The following SLC28A3 variants were observed in gnomAD, a reference collection of about 807,000 sequenced individuals.
SLC28A3 encodes concentrative Na(+)-nucleoside cotransporter 3.
In SLC28A3, 68 loss-of-function variants were observed where a neutral mutation model predicts 84.2. The ratio of observed to expected loss-of-function variants is 0.81; its 90% CI spans 0.66 to 0.99. SLC28A3 has a LOEUF of 0.99. Among genes scored for constraint, SLC28A3 ranks in the 50% least tolerant of loss-of-function variants. The probability of loss-of-function intolerance (pLI) is 0.00; values close to 1 mark genes in which losing one functional copy is unlikely to be tolerated. For synonymous variants in SLC28A3, 267 were observed against 303.6 expected, an observed-to-expected ratio of 0.88 and a Z score of 1.25; for missense variants, 712 against 841.5, an observed-to-expected ratio of 0.85 and a Z score of 1.90.
chr9:84,343,659 G>A (rs1269229268), upstream of SLC28A3, among the ~76,000 whole-genome samples: 4 of 152,282 alleles, frequency 2.6e-5, no homozygotes, highest in East Asian at 7.7e-4. Flanking sequence ...ACACATTAAA[G>A]TTATATGAAA....
intron 1 of SLC28A3, among the ~76,000 whole-genome samples, chr9:84,322,272 G>C (rs957089361): frequency 6.6e-6 from 1 of 152,224 alleles, no homozygotes; most frequent in Admixed American, 6.5e-5. Context: ...AGAGATAAAG[G>C]TAGTGTAAAG....
intron 1 of SLC28A3, among the ~76,000 whole-genome samples, chr9:84,327,392 C>A (rs1460445395): frequency 6.6e-6 from 1 of 150,590 alleles, no homozygotes; most frequent in Admixed American, 6.6e-5. Flanking sequence ...TTGCAGCAAT[C>A]CAGAGAATGC....
intron 1 of SLC28A3, among the ~76,000 whole-genome samples, chr9:84,318,681 C>A (rs1037996435): frequency 6.6e-6 from 1 of 151,682 alleles, no homozygotes; most frequent in Non-Finnish European, 1.5e-5. Flanking sequence ...TCAGCCTGAC[C>A]AATATGATGA....
At chr9:84,280,582 G>T (rs892671330) in intron 15 of SLC28A3, among the ~76,000 whole-genome samples, 2 of 152,180 alleles carry the variant, frequency 1.3e-5, no homozygotes, top group East Asian at 3.9e-4. Flanking sequence ...CCTGGGCTGG[G>T]AGAAGCATCT....
At chr9:84,290,325 G>A in intron 10 of SLC28A3, 46 bp from the exon 11 acceptor site, 2 of 1,602,764 alleles carry the variant, frequency 1.2e-6, no homozygotes, top group Non-Finnish European at 1.7e-6. Context: ...AATCTGTGTG[G>A]GGGCAGGGGA....
At chr9:84,321,641 G>A (rs1826381766) in intron 1 of SLC28A3, among the ~76,000 whole-genome samples, 2 of 150,606 alleles carry the variant, frequency 1.3e-5, no homozygotes, top group African/African-American at 2.5e-5. Flanking sequence ...GGCTGAGGCA[G>A]GAGAATCACT....
intron 12 of SLC28A3, 58 bp from the exon 13 acceptor site, chr9:84,286,169 A>G (rs781305985): frequency 2.0e-5 from 31 of 1,536,684 alleles, no homozygotes; most frequent in Non-Finnish European, 2.7e-5. Context: ...GATGGACACC[A>G]TTGGTGCAGA....
chr9:84,310,740 T>C (rs9792674), intron 2 of SLC28A3, among the ~76,000 whole-genome samples: 68,736 of 151,976 alleles, frequency 0.45, 18,362 homozygotes, highest in African/African-American at 0.73. Context: ...AAGGAAGGTG[T>C]GAGGATAATT....
chr9:84,362,305 T>G, the SLC28A3 span, among the ~76,000 whole-genome samples: 1 of 152,198 alleles, frequency 6.6e-6, no homozygotes, highest in Non-Finnish European at 1.5e-5. Flanking sequence ...CCAAGGAGGC[T>G]GGAGCTATAA....
At chr9:84,365,810 G>A in the SLC28A3 span, among the ~76,000 whole-genome samples, 12 of 152,182 alleles carry the variant, frequency 7.9e-5, no homozygotes, top group Admixed American at 7.9e-4. Flanking sequence ...CAGTACTATG[G>A]GAGGCTGAGG....
chr9:84,326,959 G>A lies in SLC28A3; in HGVS notation c.61-13505C>T, dbSNP rs572307338. 5.3e-5 allele frequency among the ~76,000 whole-genome samples: 8 copies of A among 152,276 alleles called. No homozygotes were observed. The South Asian group carries it at 1.7e-3, about 32-fold the overall frequency. On this transcript the variant is annotated intron_variant, in intron 1 of 17. Coordinates refer to ENST00000376238, the MANE Select transcript of SLC28A3 (RefSeq NM_001199633.2). ...GCAGAGGTTGCAGTGAGCCAAGATA[G>A]ATCATGCCACTGCACTCCAGCTTGG...
the SLC28A3 span, among the ~76,000 whole-genome samples, chr9:84,357,262 AT>A: frequency 6.6e-6 from 1 of 152,216 alleles, no homozygotes; most frequent in Non-Finnish European, 1.5e-5. Context: ...CACAATCTTC[AT>A]TCACGAGAAG....
intron 11 of SLC28A3, among the ~76,000 whole-genome samples, chr9:84,288,387 C>T (rs1475005761): frequency 6.6e-6 from 1 of 152,092 alleles, no homozygotes; most frequent in Non-Finnish European, 1.5e-5. Context: ...ATAAGGGAGA[C>T]ATTTGTGCTA....
At chr9:84,340,016 T>A (rs1420216794) in intron 1 of SLC28A3, among the ~76,000 whole-genome samples, 1 of 152,146 alleles carries the variant, frequency 6.6e-6, no homozygotes, top group African/African-American at 2.4e-5. Flanking sequence ...CCAGACCCAG[T>A]CAAAATAGCC....
intron 1 of SLC28A3, among the ~76,000 whole-genome samples, chr9:84,336,575 C>T (rs1826983555): frequency 6.6e-6 from 1 of 152,128 alleles, no homozygotes; most frequent in African/African-American, 2.4e-5. Context: ...ACTCAGGAGG[C>T]TGAGGTGGGA....
chr9:84,302,329 A>G lies in SLC28A3; in HGVS notation c.395T>C (p.Phe132Ser). The G allele has an allele frequency of 6.2e-7, 1 of 1,614,152 alleles. No individual in the cohort carries two copies. Among genetic ancestry groups the G allele is most frequent in the Non-Finnish European group, 8.5e-7 (1 of 1,180,018 alleles). ...GAAGATGGCAGCCACGGTGATCACA[A>G]AAAGAGGAAGGGCTCTGTGAAAGTT... Reference protein sequence around the residue: ...VLNFHRALPLFVITVAAIFFV... With the variant: ...VLNFHRALPLSVITVAAIFFV... Residue 132 changes from phenylalanine to serine, a missense_variant, in exon 5 of 18, where the codon TTT (phenylalanine) becomes TCT (serine). Phe to Ser is a radical substitution (Grantham distance 155, BLOSUM62 -2). Coordinates refer to ENST00000376238, the MANE Select transcript of SLC28A3 (RefSeq NM_001199633.2).
the SLC28A3 span, among the ~76,000 whole-genome samples, chr9:84,362,350 G>C: frequency 6.6e-6 from 1 of 152,188 alleles, no homozygotes; most frequent in African/African-American, 2.4e-5. Context: ...TTTAGGACTT[G>C]GCCAGGCGTT....
chr9:84,350,204 G>A, the SLC28A3 span, among the ~76,000 whole-genome samples: 3 of 152,246 alleles, frequency 2.0e-5, no homozygotes, highest in African/African-American at 7.2e-5. Context: ...AACTTTGGGA[G>A]GCCAAGGCAG....
rs71498096 is a variant in SLC28A3 at position 84,328,156 on chromosome 9, T to TACACACACACACACAC, written c.60+12402_60+12417dup. On this transcript the variant is annotated intron_variant, in intron 1 of 17. Transcript: ENST00000376238. ...AGGAAGTAATAGAGGGGGAAAAGACTACACACACACACACACACACACACA... is the reference window on the plus strand; with the variant it reads ...AGGAAGTAATAGAGGGGGAAAAGACTACACACACACACACACACACACACACACACACACACACACA... Among the ~76,000 whole-genome samples the TACACACACACACACAC allele has an allele frequency of 3.6e-3, 480 of 131,950 alleles. 2 individuals carry two copies. Among genetic ancestry groups the TACACACACACACACAC allele is most frequent in the Middle Eastern group, 0.015 (4 of 260 alleles). The allele number at this position is 131,950 out of a possible 152,430, so 86.6% of individuals were successfully genotyped here.
Sources: allele counts gnomAD v4.1 joint callset (sites outside exome capture counted in the v4.1 genomes callset), GRCh38; gene constraint gnomAD v4.1.1; transcripts MANE v1.5; gene names NCBI Gene and HGNC (gene_info 2026-07-23, HGNC 2026-07-21).